The following XIRP2 variants were observed in gnomAD, a reference collection of about 807,000 sequenced individuals.
XIRP2 encodes xin actin binding repeat containing 2.
Under a neutral mutation model 277.0 loss-of-function variants are expected in XIRP2, and 236 were observed. The observed-to-expected ratio is 0.85, with a 90% CI of 0.77 to 0.95. The LOEUF is 0.95. XIRP2 is among the 40% of genes least tolerant of loss of function. The pLI is 0.00. For synonymous variants in XIRP2, 1,490 were observed against 1,416.5 expected, an observed-to-expected ratio of 1.05 and a Z score of -1.17; for missense variants, 4,640 against 4,157.5, an observed-to-expected ratio of 1.12 and a Z score of -3.19.
intron 2 of XIRP2, among the ~76,000 whole-genome samples, chr2:166,930,250 C>G (rs148151704): frequency 1.3e-5 from 2 of 152,220 alleles, no homozygotes; most frequent in African/African-American, 2.4e-5. Flanking sequence ...TCAGACGTCA[C>G]AGTGATCTGG....
rs551578348 is a variant in XIRP2, at chr2:167,155,052, G to T, written c.562+18990G>T. Among the ~76,000 whole-genome samples the T allele has an allele frequency of 1.1e-4, 17 of 151,724 alleles. No individual in the cohort carries two copies. The East Asian group carries it at 3.1e-3, about 28-fold the overall frequency. On this transcript the variant is annotated intron_variant, in intron 3 of 10. Coordinates refer to ENST00000409195, the MANE Select transcript of XIRP2 (RefSeq NM_152381.6). ...CCTCCCAAGACTAAACCAGGAAGAA[G>T]TTGAATCTCTGAATAGACCAATAAC...
chr2:167,062,502 T>A (rs1689195242), intron 2 of XIRP2, among the ~76,000 whole-genome samples: 1 of 152,182 alleles, frequency 6.6e-6, no homozygotes, highest in Non-Finnish European at 1.5e-5. Flanking sequence ...TTGTCTGGTT[T>A]TGACAACAGG....
At chr2:167,094,785 G>A (rs913257405) in intron 2 of XIRP2, among the ~76,000 whole-genome samples, 55 of 152,296 alleles carry the variant, frequency 3.6e-4, no homozygotes, top group African/African-American at 1.1e-3. Context: ...GCTTAGGATT[G>A]TCTTGGCAAT....
At chr2:167,227,814 A>AT (rs1216496167) in intron 5 of XIRP2, among the ~76,000 whole-genome samples, 1 of 152,126 alleles carries the variant, frequency 6.6e-6, no homozygotes, top group Non-Finnish European at 1.5e-5. Flanking sequence ...AAATAAAGGA[A>AT]TTTTTTTAAT....
chr2:167,179,973 T>C (rs568517949), intron 3 of XIRP2, among the ~76,000 whole-genome samples: 1 of 152,324 alleles, frequency 6.6e-6, no homozygotes, highest in South Asian at 2.1e-4. Context: ...TTCTAAAATA[T>C]GCCTCTATAT....
intron 2 of XIRP2, among the ~76,000 whole-genome samples, chr2:166,928,148 T>A (rs1335239824): frequency 6.6e-6 from 1 of 152,132 alleles, no homozygotes; most frequent in Non-Finnish European, 1.5e-5. Context: ...GGTTTGTTGC[T>A]GTAGGGCAGA....
chr2:167,228,029 A>T (rs1694656221), intron 5 of XIRP2, among the ~76,000 whole-genome samples: 1 of 152,184 alleles, frequency 6.6e-6, no homozygotes, highest in Admixed American at 6.6e-5. Flanking sequence ...AAAGTAAAAA[A>T]CCTTATCAAA....
intron 3 of XIRP2, among the ~76,000 whole-genome samples, chr2:167,152,251 G>T (rs73017965): frequency 0.1 from 15,144 of 151,918 alleles, 820 homozygotes; most frequent in South Asian, 0.16. Flanking sequence ...AGATGTATCC[G>T]CCCCATACCA....
At chr2:167,241,656 C>A (rs918862960) in intron 7 of XIRP2, 121 bp from the exon 8 acceptor site, 4 of 1,147,272 alleles carry the variant, frequency 3.5e-6, no homozygotes, top group Non-Finnish European at 4.7e-6. Context: ...GTAATCTTCG[C>A]ACCTCAGTCT....
At chr2:167,066,270 T>A (rs1421995392) in intron 2 of XIRP2, among the ~76,000 whole-genome samples, 1 of 151,970 alleles carries the variant, frequency 6.6e-6, no homozygotes, top group Non-Finnish European at 1.5e-5. Flanking sequence ...CCATTCTAGT[T>A]GCTGCTTCTA....
chr2:166,936,356 G>T (rs1217665263), intron 2 of XIRP2, among the ~76,000 whole-genome samples: 1 of 152,164 alleles, frequency 6.6e-6, no homozygotes, highest in African/African-American at 2.4e-5. Flanking sequence ...CTCCCATTCT[G>T]TAGGTTGCCT....
intron 2 of XIRP2, among the ~76,000 whole-genome samples, chr2:167,026,405 AT>A (rs1688160837): frequency 6.6e-6 from 1 of 152,130 alleles, no homozygotes; most frequent in Admixed American, 6.6e-5. Context: ...TTGACTCTTT[AT>A]CCAATTTTCC....
At chr2:167,086,104 C>G (rs997480517) in intron 2 of XIRP2, among the ~76,000 whole-genome samples, 1 of 151,934 alleles carries the variant, frequency 6.6e-6, no homozygotes, top group Admixed American at 6.6e-5. Context: ...CCATGTTTAG[C>G]ACTTCCTTCA....
chr2:167,183,797 T>C (rs1002624999), intron 3 of XIRP2, among the ~76,000 whole-genome samples: 2 of 150,722 alleles, frequency 1.3e-5, no homozygotes, highest in African/African-American at 4.9e-5. Flanking sequence ...GCATGCTTAG[T>C]ACTTTTATAA....
In XIRP2 at chr2:167,246,657, G is replaced by A. The variant is rs776633208; in HGVS notation, c.5265G>A (p.Leu1755=). The change falls in exon 9 of 11, where the codon TTG becomes TTA. Residue 1755 remains leucine, a synonymous_variant. Transcript: ENST00000409195. ...CAACCTGCATAGAAGCTGGAGCTTTGGATTATCTGAAACAACTCCACACAG... is the reference window on the plus strand; with the variant it reads ...CAACCTGCATAGAAGCTGGAGCTTTAGATTATCTGAAACAACTCCACACAG... ...FFTTCIEAGA[L]DYLKQLHTES... is the part of the protein sequence containing the mutation. 10 of 1,613,524 alleles carry A rather than the reference G, an allele frequency of 6.2e-6. No individual in the cohort carries two copies. Among genetic ancestry groups the A allele is most frequent in the Non-Finnish European group, 7.6e-6 (9 of 1,179,802 alleles).
Position 167,250,654 on chromosome 2 carries a change from C to G in XIRP2, c.9262C>G (p.His3088Asp), listed in dbSNP as rs536254892. ...AGTACAGCACCAAGTAGCAGCTCAT[C>G]ATGAAGCAACTGTTCGTAGTCACGT... ...KTVQHQVAAH[H>D]EATVRSHVKT... Residue 3088 changes from histidine (H) to aspartate (D), a missense_variant, in exon 9 of 11, where the codon CAT becomes GAT. Transcript: ENST00000409195. 6.2e-7 allele frequency: 1 copy of G among 1,613,514 alleles called. No individual in the cohort carries two copies. Among genetic ancestry groups the G allele is most frequent in the South Asian group, 1.1e-5 (1 of 91,050 alleles).
At chr2:167,101,566 C>T (rs1359830130) in intron 2 of XIRP2, among the ~76,000 whole-genome samples, 1 of 152,146 alleles carries the variant, frequency 6.6e-6, no homozygotes, top group African/African-American at 2.4e-5. Flanking sequence ...TGAGAACACA[C>T]GATGTTTAGT....
At chr2:167,115,174 A>T (rs1279194511) in intron 2 of XIRP2, among the ~76,000 whole-genome samples, 1 of 152,024 alleles carries the variant, frequency 6.6e-6, no homozygotes, top group Non-Finnish European at 1.5e-5. Flanking sequence ...GTGGTTTTGC[A>T]ATTCTTATAG....
At chr2:167,086,294 G>A (rs566445745) in intron 2 of XIRP2, among the ~76,000 whole-genome samples, 1 of 152,138 alleles carries the variant, frequency 6.6e-6, no homozygotes, top group African/African-American at 2.4e-5. Context: ...GGCTTGTAGG[G>A]TTTCTGCTGA....
Sources: allele counts gnomAD v4.1 joint callset (sites outside exome capture counted in the v4.1 genomes callset), GRCh38; gene constraint gnomAD v4.1.1; transcripts MANE v1.5; gene names NCBI Gene and HGNC (gene_info 2026-07-23, HGNC 2026-07-21).